Variants in DISC1 observed in about 807,000 individuals in gnomAD.
DISC1 encodes the protein disrupted in schizophrenia 1 protein.
In DISC1, 57 loss-of-function variants were observed where a neutral mutation model predicts 84.5. The ratio of observed to expected loss-of-function variants is 0.67; its 90% CI spans 0.55 to 0.84. The LOEUF (loss-of-function observed/expected upper bound fraction) is 0.84, where lower values mean the gene tolerates loss of function less well. DISC1 is among the 40% of genes least tolerant of loss of function. The pLI, the probability that DISC1 is intolerant of heterozygous loss-of-function variation, is 0.00. For synonymous variants in DISC1, 411 were observed against 415.2 expected (o/e 0.99, Z 0.12); for missense variants, 1,000 against 1,057.8 (o/e 0.95, Z 0.76).
intron 6 of DISC1, among the ~76,000 whole-genome samples, chr1:231,776,930 C>T (rs934686078): frequency 2.7e-4 from 41 of 152,206 alleles, no homozygotes; most frequent in Middle Eastern, 3.4e-3. Flanking sequence ...GCTCTTGCCC[C>T]GGGGGTAGTG....
At chr1:231,964,656 A>G (rs1205381836) in intron 10 of DISC1, among the ~76,000 whole-genome samples, 2 of 152,250 alleles carry the variant, frequency 1.3e-5, no homozygotes, top group Admixed American at 6.5e-5. Flanking sequence ...GACAGAGCCC[A>G]GTAGTTATGG....
At chr1:231,919,665 A>G (rs2089876394) in intron 9 of DISC1, among the ~76,000 whole-genome samples, 1 of 152,198 alleles carries the variant, frequency 6.6e-6, no homozygotes, top group South Asian at 2.1e-4. Context: ...CTTAATCTGT[A>G]TCAGGCTCAG....
At chr1:231,891,084 TA>T (rs1333121922) in intron 9 of DISC1, among the ~76,000 whole-genome samples, 1 of 152,196 alleles carries the variant, frequency 6.6e-6, no homozygotes, top group Non-Finnish European at 1.5e-5. Flanking sequence ...GGCTGAAGGC[TA>T]AACCCTGCCT....
At chr1:231,762,228 CTTTTCTTTTCT>C (rs2075774637) in intron 4 of DISC1, among the ~76,000 whole-genome samples, 1 of 48,836 alleles carries the variant, frequency 2.0e-5, no homozygotes, top group Non-Finnish European at 5.4e-5. Flanking sequence ...CTTTTCTTTT[CTTTTCTTTTCT>C]TTTCTTTTCT....
Position 231,694,815 on chromosome 1 carries a change from T to C in DISC1, c.1047+10T>C. The C allele has an allele frequency of 6.2e-7, 1 of 1,612,570 alleles. No individual in the cohort carries two copies. The highest frequency in any genetic ancestry group is 8.5e-7 in the Non-Finnish European group (1 of 1,179,604). On this transcript the variant is annotated intron_variant, in intron 2 of 12. Coordinates refer to ENST00000439617, the MANE Select transcript of DISC1 (RefSeq NM_018662.3). ...CCGGAGGCAGATGGAGGTCAGTGTC[T>C]CTTCCACCTCTGTGGCCCGAGATTG...
chr1:231,992,473 C>A (rs1665348483), intron 10 of DISC1, among the ~76,000 whole-genome samples: 2 of 152,126 alleles, frequency 1.3e-5, no homozygotes, highest in African/African-American at 4.8e-5. Flanking sequence ...TTTTGACTTT[C>A]ATTTATGGCA....
intron 1 of DISC1, among the ~76,000 whole-genome samples, chr1:231,682,355 T>G (rs2063778230): frequency 6.6e-6 from 1 of 152,206 alleles, no homozygotes; most frequent in South Asian, 2.1e-4. Flanking sequence ...TCCCTGCACT[T>G]GCTGTTTTTC....
At chr1:231,893,662 T>G (rs898718892) in intron 9 of DISC1, among the ~76,000 whole-genome samples, 2 of 152,038 alleles carry the variant, frequency 1.3e-5, no homozygotes, top group African/African-American at 4.8e-5. Context: ...CATGGTAGAC[T>G]GGAGGAAGGA....
intron 6 of DISC1, among the ~76,000 whole-genome samples, chr1:231,782,411 C>T (rs190211800): frequency 9.2e-5 from 14 of 152,264 alleles, no homozygotes; most frequent in Admixed American, 8.5e-4. Context: ...GCTTTGTCAA[C>T]AGATTTTGAG....
chr1:231,807,194 G>A (rs1001647979), intron 8 of DISC1, among the ~76,000 whole-genome samples: 3 of 152,160 alleles, frequency 2.0e-5, no homozygotes, highest in Admixed American at 2.0e-4. Context: ...TACCTCTATC[G>A]GTGCTCGTTG....
chr1:231,929,011 T>G (rs1334475031), intron 9 of DISC1, among the ~76,000 whole-genome samples: 2 of 152,234 alleles, frequency 1.3e-5, no homozygotes, highest in East Asian at 3.9e-4. Context: ...TGCGATGTGG[T>G]GCTGAGAAGA....
chr1:231,633,076 C>A (rs2058871364), intron 1 of DISC1, among the ~76,000 whole-genome samples: 1 of 152,018 alleles, frequency 6.6e-6, no homozygotes. Flanking sequence ...GTCAAAAAAA[C>A]AAACAAACAA....
chr1:231,896,989 A>G (rs2087741523), intron 9 of DISC1, among the ~76,000 whole-genome samples: 1 of 152,204 alleles, frequency 6.6e-6, no homozygotes, highest in African/African-American at 2.4e-5. Context: ...TTCTGGCATC[A>G]CTGACTGTTA....
chr1:231,743,252 A>C (rs576513887), intron 3 of DISC1, among the ~76,000 whole-genome samples: 1 of 152,350 alleles, frequency 6.6e-6, no homozygotes, highest in Non-Finnish European at 1.5e-5. Flanking sequence ...AATGCCAGGC[A>C]TGATGCTAAT....
intron 10 of DISC1, among the ~76,000 whole-genome samples, chr1:231,995,402 C>A (rs1665793702): frequency 6.6e-6 from 1 of 151,720 alleles, no homozygotes; most frequent in East Asian, 1.9e-4. Context: ...AGGTTAGTTA[C>A]ATATGTATAC....
At chr1:231,881,847 C>T (rs1289135906) in intron 9 of DISC1, among the ~76,000 whole-genome samples, 2 of 152,234 alleles carry the variant, frequency 1.3e-5, no homozygotes, top group African/African-American at 2.4e-5. Flanking sequence ...AATCATCACT[C>T]TCATTCACTG....
intron 6 of DISC1, among the ~76,000 whole-genome samples, chr1:231,785,221 CTGTGTGTGTGTGTGTG>C (rs71573141): frequency 5.9e-5 from 8 of 136,428 alleles, no homozygotes; most frequent in African/African-American, 1.4e-4. Flanking sequence ...ACAGATTTGT[CTGTGTGTGTGTGTGTG>C]TGTGTGTGTG....
chr1:231,750,658 G>A, intron 4 of DISC1: 1 of 930,820 alleles, frequency 1.1e-6, no homozygotes, highest in African/African-American at 1.8e-5. Flanking sequence ...TCCTCCCCAG[G>A]CAAGCTAAGT....
At chr1:231,771,229 G>C (rs1466917261) in intron 6 of DISC1, 159 bp downstream of exon 6, 1 of 1,447,930 alleles carries the variant, frequency 6.9e-7, no homozygotes, top group African/African-American at 1.4e-5. Flanking sequence ...ATTCTTCACG[G>C]TGTGGGGCAG....
Sources: allele counts gnomAD v4.1 joint callset (sites outside exome capture counted in the v4.1 genomes callset), GRCh38; gene constraint gnomAD v4.1.1; transcripts MANE v1.5; gene names NCBI Gene and HGNC (gene_info 2026-07-23, HGNC 2026-07-21).